The following DPYD variants were observed in gnomAD, a reference collection of about 807,000 sequenced individuals.
DPYD encodes the protein dihydropyrimidine dehydrogenase, also known as dihydropyrimidine dehydrogenase [NADP(+)].
In DPYD, 109 loss-of-function variants were observed where a neutral mutation model predicts 116.2. The observed-to-expected ratio is 0.94, with a 90% CI of 0.80 to 1.10. The LOEUF (loss-of-function observed/expected upper bound fraction) is 1.10, where lower values mean the gene tolerates loss of function less well. DPYD is among the 50% of genes least tolerant of loss of function. DPYD has a pLI of 0.00. For missense variants in DPYD, 1,302 were observed against 1,254.5 expected, an observed-to-expected ratio of 1.04 and a Z score of -0.57; for synonymous variants, 440 against 432.0, an observed-to-expected ratio of 1.02 and a Z score of -0.23.
At chr1:97,576,995 T>C (rs1653306007) in intron 10 of DPYD, among the ~76,000 whole-genome samples, 1 of 152,234 alleles carries the variant, frequency 6.6e-6, no homozygotes, top group Non-Finnish European at 1.5e-5. Context: ...ATCATTTGCA[T>C]ATATATATTT....
chr1:97,449,853 T>C (rs1676309168), intron 14 of DPYD, among the ~76,000 whole-genome samples: 1 of 152,232 alleles, frequency 6.6e-6, no homozygotes, highest in African/African-American at 2.4e-5. Flanking sequence ...TGGCACCCAT[T>C]TATAACAAAG....
chr1:97,586,461 CATACATATAT>C (rs1654107851), intron 10 of DPYD, among the ~76,000 whole-genome samples: 1 of 46,588 alleles, frequency 2.1e-5, no homozygotes, highest in Non-Finnish European at 4.2e-5. Flanking sequence ...AAAATACATA[CATACATATAT>C]ATATATATAT....
At chr1:97,613,332 C>T (rs940577378) in intron 8 of DPYD, among the ~76,000 whole-genome samples, 3 of 151,988 alleles carry the variant, frequency 2.0e-5, no homozygotes, top group Non-Finnish European at 4.4e-5. Flanking sequence ...CTTTATCACA[C>T]TCTTTGTTCA....
chr1:97,577,460 C>T lies in DPYD; in HGVS notation c.1129-3490G>A, dbSNP rs376725376. ...CTTTAAACCAACCAGTTAAAATTTCCCACGAGAAACCTGTTTGGATAACGC... is the reference window on the plus strand; with the variant it reads ...CTTTAAACCAACCAGTTAAAATTTCTCACGAGAAACCTGTTTGGATAACGC... On this transcript the variant is annotated intron_variant, in intron 10 of 22. Coordinates refer to ENST00000370192, the MANE Select transcript of DPYD (RefSeq NM_000110.4). 1.5e-4 allele frequency among the ~76,000 whole-genome samples: 23 copies of T among 152,106 alleles called. 1 individual carries two copies. The highest frequency in any genetic ancestry group is 1.3e-3 in the Admixed American group (20 of 15,262).
At chr1:97,916,770 G>C (rs184106259) in intron 1 of DPYD, among the ~76,000 whole-genome samples, 1 of 152,042 alleles carries the variant, frequency 6.6e-6, no homozygotes, top group East Asian at 1.9e-4. Context: ...AACTTTGGTG[G>C]GCCAAGCTGA....
chr1:97,312,547 C>A (rs889450568), intron 16 of DPYD, among the ~76,000 whole-genome samples: 1 of 151,772 alleles, frequency 6.6e-6, no homozygotes, highest in African/African-American at 2.4e-5. Context: ...GTACTATAAT[C>A]CATACAATGA....
At chr1:97,382,512 A>G in intron 14 of DPYD, 51 bp from the exon 15 acceptor site, 1 of 1,075,212 alleles carries the variant, frequency 9.3e-7, no homozygotes, top group South Asian at 1.6e-5. Flanking sequence ...ATCCAGTTGT[A>G]CACAAAGATA....
At chr1:97,726,998 T>C (rs555212830) in intron 4 of DPYD, among the ~76,000 whole-genome samples, 1 of 151,876 alleles carries the variant, frequency 6.6e-6, no homozygotes, top group African/African-American at 2.4e-5. Flanking sequence ...TAAAACCCTT[T>C]CACTAAAATA....
chr1:97,567,601 T>C (rs1652613391), intron 11 of DPYD, among the ~76,000 whole-genome samples: 1 of 152,178 alleles, frequency 6.6e-6, no homozygotes, highest in African/African-American at 2.4e-5. Flanking sequence ...AACATGATGC[T>C]GAGTCCCTCA....
chr1:97,832,575 A>G (rs1381882045), intron 2 of DPYD, among the ~76,000 whole-genome samples: 2 of 152,174 alleles, frequency 1.3e-5, no homozygotes, highest in Non-Finnish European at 2.9e-5. Context: ...TTTTGCATGC[A>G]ACAGTCTTTA....
rs779216985 is a variant in DPYD at position 97,298,484 on chromosome 1, A to T, written c.2299+6775T>A. Reference sequence around the variant, plus strand: ...TAAAAATATTTTTCTTTACTAACATAGATGAATCCTGATCCATAAAAGACT... The same window carrying T: ...TAAAAATATTTTTCTTTACTAACATTGATGAATCCTGATCCATAAAAGACT... On this transcript the variant is annotated intron_variant, in intron 18 of 22. Coordinates refer to ENST00000370192, the MANE Select transcript of DPYD (RefSeq NM_000110.4). 1.3e-4 allele frequency among the ~76,000 whole-genome samples: 20 copies of T among 151,436 alleles called. 1 individual carries two copies. Among genetic ancestry groups the T allele is most frequent in the Middle Eastern group, 6.8e-3 (2 of 294 alleles).
intron 3 of DPYD, among the ~76,000 whole-genome samples, chr1:97,825,905 C>T (rs1295804602): frequency 2.0e-5 from 3 of 152,136 alleles, no homozygotes; most frequent in African/African-American, 7.2e-5. Flanking sequence ...TGGGTCTTCA[C>T]CTCAAGCATA....
At chr1:97,181,789 A>ATCTAT (rs1657663920) in intron 20 of DPYD, among the ~76,000 whole-genome samples, 2 of 152,274 alleles carry the variant, frequency 1.3e-5, no homozygotes, top group African/African-American at 4.8e-5. Flanking sequence ...TTGCCTATCT[A>ATCTAT]TCTATGCCTC....
chr1:97,448,540 G>T (rs1338867393), intron 14 of DPYD, among the ~76,000 whole-genome samples: 1 of 151,764 alleles, frequency 6.6e-6, no homozygotes, highest in Non-Finnish European at 1.5e-5. Context: ...TTATTATGTT[G>T]CATGTTCAGT....
chr1:97,654,797 T>A (rs1658804966), intron 8 of DPYD, among the ~76,000 whole-genome samples: 1 of 152,122 alleles, frequency 6.6e-6, no homozygotes, highest in Non-Finnish European at 1.5e-5. Context: ...TGAGACTGGG[T>A]AATTTATAAA....
chr1:97,515,726 C>A lies in DPYD; in HGVS notation c.1740G>T (p.Lys580Asn), dbSNP rs1280659145. The A allele has an allele frequency of 6.2e-7, 1 of 1,611,652 alleles. No homozygotes were observed. The highest frequency in any genetic ancestry group is 8.5e-7 in the Non-Finnish European group (1 of 1,178,520). ...TATGACTTCAATAATATTTTCTTAC[C>A]TTATCAAGAGAGAAAGTTTTGGTGA... ...FALTKTFSLD[K>N]DIVTNVSPRI... is the part of the protein sequence containing the mutation. Residue 580 changes from lysine (K) to asparagine (N), a missense_variant and splice_region_variant, in exon 13 of 23, where the codon AAG (lysine) becomes AAT (asparagine). Physicochemically the swap from Lys to Asn is moderately conservative, Grantham distance 94. Transcript: ENST00000370192.
intron 11 of DPYD, among the ~76,000 whole-genome samples, chr1:97,551,603 A>ATT (rs111344341): frequency 4.0e-5 from 6 of 151,624 alleles, no homozygotes; most frequent in Non-Finnish European, 5.9e-5. Flanking sequence ...AGATCAAAGC[A>ATT]TTTTTTTTTA....
intron 16 of DPYD, among the ~76,000 whole-genome samples, chr1:97,347,613 T>A (rs1669923871): frequency 6.6e-6 from 1 of 152,098 alleles, no homozygotes; most frequent in South Asian, 2.1e-4. Context: ...CACTAATCTT[T>A]CAATATCAAG....
At chr1:97,264,244 C>A (rs1347849889) in intron 18 of DPYD, among the ~76,000 whole-genome samples, 2 of 138,776 alleles carry the variant, frequency 1.4e-5, no homozygotes, top group African/African-American at 2.7e-5. Context: ...CTCATTGCAG[C>A]CTCAAATTCT....
Sources: gnomAD v4.1 joint callset for allele counts (sites outside exome capture counted in the v4.1 genomes callset) on GRCh38, gnomAD v4.1.1 for gene constraint, MANE v1.5 for transcripts, NCBI Gene and HGNC (gene_info 2026-07-23, HGNC 2026-07-21) for gene names.